Variants in GPM6B observed in about 807,000 individuals in gnomAD.
The protein encoded by GPM6B is glycoprotein M6B.
In GPM6B, 4 loss-of-function variants were observed where a neutral mutation model predicts 27.2. That is an observed-to-expected ratio of 0.15 (90% CI 0.07 to 0.34). The LOEUF is 0.34. GPM6B is among the 10% of genes least tolerant of loss of function. GPM6B has a pLI of 1.00. For missense variants in GPM6B, 183 were observed against 261.9 expected (o/e 0.70, Z 2.08); for synonymous variants, 124 against 103.1 (o/e 1.20, Z -1.23).
intron 1 of GPM6B, among the ~76,000 whole-genome samples, chrX:13,861,037 C>T (rs998469944): frequency 1.6e-3 from 67 of 41,922 alleles, no homozygotes; most frequent in Non-Finnish European, 2.1e-3. Context: ...CACACACACA[C>T]ACACACATAT....
chrX:13,924,541 G>A (rs1156249048), intron 1 of GPM6B, among the ~76,000 whole-genome samples: 2 of 111,422 alleles, frequency 1.8e-5, no homozygotes, highest in Admixed American at 9.5e-5. Flanking sequence ...AGGCTCAAGC[G>A]ACCCTCCCAC....
chrX:13,810,162 T>C (rs1292696180), intron 1 of GPM6B, among the ~76,000 whole-genome samples: 2 of 111,192 alleles, frequency 1.8e-5, no homozygotes, highest in Non-Finnish European at 3.8e-5. Flanking sequence ...ATTTAGATTT[T>C]TGCTTTACTG....
intron 1 of GPM6B, among the ~76,000 whole-genome samples, chrX:13,810,744 TAAAAAAAAAAA>T (rs747466374): frequency 1.5e-4 from 12 of 80,683 alleles, no homozygotes; most frequent in Non-Finnish European, 2.5e-4. Context: ...ATTCAGGATT[TAAAAAAAAAAA>T]AAAAAAAAAA....
intron 2 of GPM6B, among the ~76,000 whole-genome samples, chrX:13,803,643 A>C (rs970301267): frequency 1.1e-4 from 12 of 112,362 alleles, no homozygotes; most frequent in Non-Finnish European, 1.1e-4. Flanking sequence ...ATGGCAGCCT[A>C]TATTTAGTCA....
chrX:13,793,249 C>T (rs980307567), intron 2 of GPM6B, among the ~76,000 whole-genome samples: 2 of 111,390 alleles, frequency 1.8e-5, no homozygotes, highest in African/African-American at 6.5e-5. Flanking sequence ...CAGGTCTTTA[C>T]ATAATTTTTA....
chrX:13,889,831 A>AT (rs373583726), intron 1 of GPM6B, among the ~76,000 whole-genome samples: 104 of 107,614 alleles, frequency 9.7e-4, no homozygotes, highest in African/African-American at 2.9e-3. Context: ...CAATCACATA[A>AT]TTTTTTTTTT....
intron 2 of GPM6B, among the ~76,000 whole-genome samples, chrX:13,791,887 T>TACAC (rs759953315): frequency 1.2e-4 from 13 of 107,419 alleles, no homozygotes; most frequent in African/African-American, 4.1e-4. Context: ...CACACATACA[T>TACAC]ACACACACAC....
chrX:13,889,394 G>C (rs2050168331), intron 1 of GPM6B: 1 of 111,738 alleles, frequency 8.9e-6, no homozygotes, highest in African/African-American at 3.3e-5. Flanking sequence ...CTAAATCCCA[G>C]GAAAACTGTG....
chrX:13,902,349 C>T (rs937563587), intron 1 of GPM6B, among the ~76,000 whole-genome samples: 5 of 110,154 alleles, frequency 4.5e-5, no homozygotes, highest in Non-Finnish European at 7.6e-5. Context: ...TTAGCATTTA[C>T]GTTGATTATT....
At position 13,787,041 on chromosome X, in the gene GPM6B, C is replaced by CAAAAAAAAAAAAAAAAAAAAAAAAAAA. The variant is rs869123073; in HGVS notation, c.182-1260_182-1234dup. Among the ~76,000 whole-genome samples the CAAAAAAAAAAAAAAAAAAAAAAAAAAA allele has an allele frequency of 2.4e-4, 6 of 24,510 alleles. 1 individual carries two copies. The highest frequency in any genetic ancestry group is 1.2e-3 in the African/African-American group (6 of 4,878). The allele number at this position is 24,510 out of a possible 115,157, so 21.3% of individuals were successfully genotyped here. A position where few individuals can be genotyped will look rare whatever the true frequency, so the allele number is the denominator to read the frequency against. ...CTTTAGGGCAAGCACATTAAGCCAG[C>CAAAAAAAAAAAAAAAAAAAAAAAAAAA]AAAAAAAAAAAAAAAAAAAAAAAAA... On this transcript the variant is annotated intron_variant, in intron 2 of 7. Transcript: ENST00000316715.
At chrX:13,781,052 C>CA (rs1329849381) in intron 4 of GPM6B, 1 of 252,620 alleles carries the variant, frequency 4.0e-6, no homozygotes, top group South Asian at 3.9e-5. Context: ...TTCCACCTCC[C>CA]ACTTCCTCCC....
At chrX:13,857,494 C>G (rs908135587) in intron 1 of GPM6B, among the ~76,000 whole-genome samples, 1 of 112,278 alleles carries the variant, frequency 8.9e-6, no homozygotes, top group Non-Finnish European at 1.9e-5. Flanking sequence ...TTTCTTTCCT[C>G]TTAGAATCAT....
rs1033083739 is a variant in GPM6B at position 13,911,190 on chromosome X, T to G, written c.-198+27137A>C. 4.4e-5 allele frequency among the ~76,000 whole-genome samples: 5 copies of G among 112,375 alleles called. No individual in the cohort carries two copies. In the East Asian group the frequency reaches 1.4e-3, roughly 31 times the overall value. On this transcript the variant is annotated intron_variant, in intron 1 of 6. Coordinates refer to the GPM6B transcript ENST00000398361. ...TAAAATGATACTAGTATATCCGATCTTCATGTTAGCATTGCAATATAAATA... is the reference window on the plus strand; with the variant it reads ...TAAAATGATACTAGTATATCCGATCGTCATGTTAGCATTGCAATATAAATA...
intron 1 of GPM6B, among the ~76,000 whole-genome samples, chrX:13,934,851 T>C (rs1361088751): frequency 9.0e-6 from 1 of 111,645 alleles, no homozygotes; most frequent in African/African-American, 3.3e-5. Flanking sequence ...AGCAAACTAG[T>C]GGGCAAGCTG....
At chrX:13,828,627 T>G (rs1040721972) in intron 1 of GPM6B, among the ~76,000 whole-genome samples, 2 of 111,030 alleles carry the variant, frequency 1.8e-5, no homozygotes, top group Non-Finnish European at 3.8e-5. Context: ...TCCTTTCAAG[T>G]GGTTTGTTTT....
Position 13,789,706 on chromosome X carries a change from C to T in GPM6B, c.182-3898G>A, listed in dbSNP as rs180711935. On this transcript the variant is annotated intron_variant, in intron 2 of 7. Coordinates refer to ENST00000316715, the MANE Select transcript of GPM6B (RefSeq NM_001001995.3). ...AGGAGAATGGCGTGAACCCGGAAGG[C>T]GGAGGGTGCAGTGAGCCGAGATTGC... Among the ~76,000 whole-genome samples, 210 of 111,292 alleles carry T rather than the reference C, an allele frequency of 1.9e-3. 1 individual carries two copies. Among genetic ancestry groups the T allele is most frequent in the African/African-American group, 6.1e-3 (187 of 30,678 alleles).
At chrX:13,800,103 C>G (rs914559993) in intron 2 of GPM6B, among the ~76,000 whole-genome samples, 2 of 111,708 alleles carry the variant, frequency 1.8e-5, no homozygotes, top group African/African-American at 6.5e-5. Flanking sequence ...CTGGCACATT[C>G]TCTTACCTGC....
In GPM6B at chrX:13,830,274, C is replaced by T. The variant is rs774855648; in HGVS notation, c.-197-44466G>A. Among the ~76,000 whole-genome samples the T allele has an allele frequency of 2.7e-5, 3 of 112,122 alleles. No homozygotes were observed. The South Asian group carries it at 1.1e-3, about 42-fold the overall frequency. On this transcript the variant is annotated intron_variant, in intron 1 of 6. Transcript: ENST00000398361. ...CTGGTGTGAACAGTCCTAAAGGTCA[C>T]ACTTTCTGTTCTAAGCTCAACTTGC...
chrX:13,809,040 C>G (rs1296366652), intron 1 of GPM6B, among the ~76,000 whole-genome samples: 2 of 111,964 alleles, frequency 1.8e-5, no homozygotes, highest in Admixed American at 1.9e-4. Flanking sequence ...ATGATGACAG[C>G]AAAAATTTAT....
Sources: allele counts gnomAD v4.1 joint callset (sites outside exome capture counted in the v4.1 genomes callset), GRCh38; gene constraint gnomAD v4.1.1; transcripts MANE v1.5; gene names NCBI Gene and HGNC (gene_info 2026-07-23, HGNC 2026-07-21).